The following GPC6 variants were observed in gnomAD, a reference collection of about 807,000 sequenced individuals.
GPC6 encodes the protein glypican-6.
Under a neutral mutation model 55.2 loss-of-function variants are expected in GPC6, and 14 were observed. The observed-to-expected ratio is 0.25, with a 90% CI of 0.17 to 0.40. The LOEUF is 0.40. GPC6 is among the 10% of genes least tolerant of loss of function. The pLI, the probability that GPC6 is intolerant of heterozygous loss-of-function variation, is 1.00. For synonymous variants in GPC6, 278 were observed against 259.6 expected, an observed-to-expected ratio of 1.07 and a Z score of -0.68; for missense variants, 641 against 708.5, an observed-to-expected ratio of 0.90 and a Z score of 1.08.
At chr13:93,696,739 C>T (rs1251447299) in intron 2 of GPC6, among the ~76,000 whole-genome samples, 1 of 151,674 alleles carries the variant, frequency 6.6e-6, no homozygotes, top group African/African-American at 2.4e-5. Flanking sequence ...TCTCCTGCCT[C>T]AGCCTCCCTA....
intron 1 of GPC6, among the ~76,000 whole-genome samples, chr13:93,245,626 G>C (rs1421731355): frequency 6.6e-6 from 1 of 152,114 alleles, no homozygotes; most frequent in Non-Finnish European, 1.5e-5. Context: ...AGTCTCTGGG[G>C]CTCATACTCT....
chr13:93,869,492 A>G (rs1212105506), intron 3 of GPC6, among the ~76,000 whole-genome samples: 1 of 151,856 alleles, frequency 6.6e-6, no homozygotes, highest in Non-Finnish European at 1.5e-5. Flanking sequence ...CATTTGATGT[A>G]GAACAAAGAT....
intron 4 of GPC6, among the ~76,000 whole-genome samples, chr13:94,136,093 T>A (rs1043902408): frequency 7.9e-5 from 12 of 152,178 alleles, no homozygotes; most frequent in African/African-American, 2.9e-4. Flanking sequence ...ATTAGTTTCA[T>A]GATTTCTTAA....
chr13:93,596,375 GGAGGAATGAGAC>G (rs914601143), intron 2 of GPC6, among the ~76,000 whole-genome samples: 2 of 152,014 alleles, frequency 1.3e-5, no homozygotes, highest in African/African-American at 4.8e-5. Context: ...TGGCCAGGCA[GGAGGAATGAGAC>G]GAGTTAGGGG....
chr13:93,631,255 A>G (rs1428739627), intron 2 of GPC6, among the ~76,000 whole-genome samples: 1 of 152,100 alleles, frequency 6.6e-6, no homozygotes, highest in African/African-American at 2.4e-5. Flanking sequence ...ACCCAGGAAA[A>G]GGAGGAGCCA....
intron 3 of GPC6, among the ~76,000 whole-genome samples, chr13:93,904,891 G>GC (rs1448079440): frequency 6.6e-6 from 1 of 151,622 alleles, no homozygotes; most frequent in African/African-American, 2.4e-5. Context: ...TCGTCATCTA[G>GC]CATTAGGTAT....
At chr13:93,888,907 T>G (rs1237090049) in intron 3 of GPC6, among the ~76,000 whole-genome samples, 1 of 152,078 alleles carries the variant, frequency 6.6e-6, no homozygotes, top group Non-Finnish European at 1.5e-5. Context: ...CTAATAGAAC[T>G]GAGCAGGAAA....
intron 4 of GPC6, among the ~76,000 whole-genome samples, chr13:94,236,340 C>A (rs1241632453): frequency 1.3e-5 from 2 of 148,368 alleles, no homozygotes; most frequent in African/African-American, 5.2e-5. Context: ...TCAGCAGGAA[C>A]TTTGTGATTT....
intron 2 of GPC6, among the ~76,000 whole-genome samples, chr13:93,701,491 G>C (rs1416757091): frequency 1.3e-5 from 2 of 152,006 alleles, no homozygotes; most frequent in African/African-American, 4.8e-5. Context: ...GCTGCTGACT[G>C]ATCAGGACAG....
At chr13:93,743,981 A>G (rs571719743) in intron 2 of GPC6, among the ~76,000 whole-genome samples, 2 of 152,336 alleles carry the variant, frequency 1.3e-5, no homozygotes, top group South Asian at 4.1e-4. Flanking sequence ...TGTATAAAAT[A>G]CAGTTCTAAT....
chr13:93,711,486 G>A (rs866785312), intron 2 of GPC6, among the ~76,000 whole-genome samples: 2 of 151,730 alleles, frequency 1.3e-5, no homozygotes, highest in South Asian at 2.1e-4. Flanking sequence ...TTTGTTTGGG[G>A]GCACAGCCAA....
intron 6 of GPC6, among the ~76,000 whole-genome samples, chr13:94,329,360 C>T (rs1248866901): frequency 6.6e-6 from 1 of 152,190 alleles, no homozygotes; most frequent in Non-Finnish European, 1.5e-5. Flanking sequence ...GGGCCCCTCA[C>T]ATCTTCCACC....
At chr13:93,989,197 T>C (rs376045504) in intron 3 of GPC6, among the ~76,000 whole-genome samples, 1 of 152,308 alleles carries the variant, frequency 6.6e-6, no homozygotes, top group Middle Eastern at 3.4e-3. Flanking sequence ...TCTAACTCCC[T>C]GACAAGTGTC....
At chr13:93,921,982 A>G (rs1396697566) in intron 3 of GPC6, among the ~76,000 whole-genome samples, 3 of 152,086 alleles carry the variant, frequency 2.0e-5, no homozygotes, top group African/African-American at 4.8e-5. Flanking sequence ...GGGATATAAA[A>G]ATACTCAATA....
At chr13:94,316,184 T>G (rs1876513560) in intron 6 of GPC6, among the ~76,000 whole-genome samples, 1 of 152,122 alleles carries the variant, frequency 6.6e-6, no homozygotes, top group African/African-American at 2.4e-5. Flanking sequence ...AAAAAAAAAT[T>G]TAGAATCCTA....
rs891584597 is a variant in GPC6 at position 93,435,065 on chromosome 13, T to C, written c.161-110198T>C. Reference sequence around the variant, plus strand: ...CCATTAGAATTTATTGGAATAAAAGTATTGTTTATAGATCAATGAGACATG... The same window carrying C: ...CCATTAGAATTTATTGGAATAAAAGCATTGTTTATAGATCAATGAGACATG... On this transcript the variant is annotated intron_variant, in intron 1 of 8. Transcript: ENST00000377047. 2.6e-5 allele frequency among the ~76,000 whole-genome samples: 4 copies of C among 152,330 alleles called. 1 individual carries two copies. The South Asian group carries it at 6.2e-4, about 24-fold the overall frequency.
chr13:94,022,951 A>G (rs1305847683), intron 3 of GPC6, among the ~76,000 whole-genome samples: 1 of 152,070 alleles, frequency 6.6e-6, no homozygotes, highest in African/African-American at 2.4e-5. Flanking sequence ...AAGTATTAAA[A>G]ATAATGTTGT....
chr13:94,098,379 C>T (rs763228364), intron 4 of GPC6, among the ~76,000 whole-genome samples: 2 of 152,116 alleles, frequency 1.3e-5, no homozygotes, highest in Non-Finnish European at 2.9e-5. Flanking sequence ...AATTGTAAAA[C>T]AATGTATGCA....
At chr13:94,216,953 TTATC>T (rs1890244300) in intron 4 of GPC6, among the ~76,000 whole-genome samples, 1 of 152,312 alleles carries the variant, frequency 6.6e-6, no homozygotes, top group South Asian at 2.1e-4. Flanking sequence ...CAAACCAGCT[TTATC>T]AAACTACTTA....
Sources: gnomAD v4.1 joint callset for allele counts (sites outside exome capture counted in the v4.1 genomes callset) on GRCh38, gnomAD v4.1.1 for gene constraint, MANE v1.5 for transcripts, NCBI Gene and HGNC (gene_info 2026-07-23, HGNC 2026-07-21) for gene names.